The following ASIC2 variants were observed in gnomAD, a reference collection of about 807,000 sequenced individuals.
ASIC2 encodes the protein acid-sensing ion channel 2.
In ASIC2, 25 loss-of-function variants were observed where a neutral mutation model predicts 57.3. That is an observed-to-expected ratio of 0.44 (90% CI 0.32 to 0.61). The LOEUF (loss-of-function observed/expected upper bound fraction) is 0.61, where lower values mean the gene tolerates loss of function less well. ASIC2 is among the 20% of genes least tolerant of loss of function. The pLI, the probability that ASIC2 is intolerant of heterozygous loss-of-function variation, is 0.06. For synonymous variants in ASIC2, 319 were observed against 307.5 expected (o/e 1.04, Z -0.39); for missense variants, 641 against 738.1 (o/e 0.87, Z 1.52).
At chr17:33,104,727 C>T (rs2092228479) in intron 2 of ASIC2, among the ~76,000 whole-genome samples, 1 of 152,158 alleles carries the variant, frequency 6.6e-6, no homozygotes, top group South Asian at 2.1e-4. Context: ...AACCTCTTTC[C>T]CTGTGCTATT....
At chr17:33,192,946 C>T (rs192828043) in intron 1 of ASIC2, among the ~76,000 whole-genome samples, 1 of 152,192 alleles carries the variant, frequency 6.6e-6, no homozygotes, top group East Asian at 1.9e-4. Flanking sequence ...CATATTTTTA[C>T]TTTTCCTGAA....
chr17:33,646,781 A>T (rs981082500), intron 1 of ASIC2, among the ~76,000 whole-genome samples: 2 of 152,170 alleles, frequency 1.3e-5, no homozygotes, highest in African/African-American at 4.8e-5. Flanking sequence ...TGCAAGGGGC[A>T]AAAAGAGTCT....
chr17:33,377,064 G>T (rs1457831053), intron 1 of ASIC2, among the ~76,000 whole-genome samples: 2 of 152,050 alleles, frequency 1.3e-5, no homozygotes, highest in African/African-American at 4.8e-5. Flanking sequence ...TGGAGGGGGG[G>T]AGCGGAGATG....
intron 1 of ASIC2, among the ~76,000 whole-genome samples, chr17:33,384,821 C>T (rs1294186160): frequency 1.3e-5 from 2 of 152,192 alleles, no homozygotes; most frequent in African/African-American, 2.4e-5. Context: ...TTAACTGGTA[C>T]TCACACTCCT....
chr17:33,723,961 G>A (rs1301832550), intron 1 of ASIC2, among the ~76,000 whole-genome samples: 7 of 152,152 alleles, frequency 4.6e-5, no homozygotes, highest in African/African-American at 1.2e-4. Flanking sequence ...TCAGTGATGT[G>A]GTTTGGCTGT....
At chr17:33,904,867 C>T (rs1038362120) in intron 1 of ASIC2, among the ~76,000 whole-genome samples, 4 of 152,330 alleles carry the variant, frequency 2.6e-5, no homozygotes, top group Admixed American at 2.6e-4. Flanking sequence ...GAACCACACT[C>T]TTCTTGCGAG....
At chr17:33,987,663 A>C (rs1487077254) in intron 1 of ASIC2, among the ~76,000 whole-genome samples, 4 of 151,918 alleles carry the variant, frequency 2.6e-5, no homozygotes, top group Non-Finnish European at 5.9e-5. Flanking sequence ...CTAACCAACC[A>C]ACCAACCAAC....
intron 2 of ASIC2, among the ~76,000 whole-genome samples, chr17:33,104,464 GT>G (rs1265648699): frequency 1.3e-5 from 2 of 152,200 alleles, no homozygotes; most frequent in Non-Finnish European, 2.9e-5. Context: ...CCATCCAGTG[GT>G]TTTCAAACAG....
At chr17:33,491,552 G>A (rs373345874) in intron 1 of ASIC2, among the ~76,000 whole-genome samples, 29 of 152,354 alleles carry the variant, frequency 1.9e-4, no homozygotes, top group African/African-American at 6.5e-4. Context: ...ATGCCAGTGA[G>A]TTTCCTTAAT....
intron 1 of ASIC2, among the ~76,000 whole-genome samples, chr17:33,308,828 G>GA (rs148463357): frequency 0.027 from 4,127 of 151,344 alleles, 183 homozygotes; most frequent in African/African-American, 0.094. Flanking sequence ...CTTTTTTTGT[G>GA]AAAAAAAAGA....
At chr17:34,038,715 A>G in intron 1 of ASIC2, 2 of 1,604,800 alleles carry the variant, frequency 1.2e-6, no homozygotes, top group Non-Finnish European at 1.7e-6. Flanking sequence ...CTGAGTTTGA[A>G]GATTTCTTCT....
At chr17:33,201,743 G>A (rs944617008) in intron 1 of ASIC2, among the ~76,000 whole-genome samples, 1 of 152,148 alleles carries the variant, frequency 6.6e-6, no homozygotes, top group Non-Finnish European at 1.5e-5. Context: ...AAAAGCTGCT[G>A]TCTAGGCTGG....
At chr17:33,242,677 T>C (rs1351675950) in intron 1 of ASIC2, among the ~76,000 whole-genome samples, 5 of 152,206 alleles carry the variant, frequency 3.3e-5, no homozygotes, top group Non-Finnish European at 7.3e-5. Flanking sequence ...CCGGGAGTTT[T>C]CAATTTACAA....
intron 1 of ASIC2, among the ~76,000 whole-genome samples, chr17:33,281,080 T>C (rs1271055641): frequency 6.6e-6 from 1 of 152,204 alleles, no homozygotes; most frequent in African/African-American, 2.4e-5. Context: ...GTGTCATCTG[T>C]AGGCTTAAGA....
At chr17:33,491,179 C>G (rs910949784) in intron 1 of ASIC2, among the ~76,000 whole-genome samples, 1 of 152,166 alleles carries the variant, frequency 6.6e-6, no homozygotes, top group African/African-American at 2.4e-5. Context: ...AATTCCCACA[C>G]CCACAGGACA....
intron 1 of ASIC2, among the ~76,000 whole-genome samples, chr17:33,886,569 CAAA>C: frequency 6.6e-6 from 1 of 152,088 alleles, no homozygotes; most frequent in Non-Finnish European, 1.5e-5. Flanking sequence ...GTTGTACAGG[CAAA>C]GAAGCAAAGG....
At chr17:33,241,457 C>T (rs947575318) in intron 1 of ASIC2, among the ~76,000 whole-genome samples, 6 of 152,236 alleles carry the variant, frequency 3.9e-5, no homozygotes, top group African/African-American at 1.4e-4. Flanking sequence ...CCCTGTGCTG[C>T]CTATGATTGC....
At chr17:33,871,766 T>C (rs138328802) in intron 1 of ASIC2, among the ~76,000 whole-genome samples, 1 of 152,164 alleles carries the variant, frequency 6.6e-6, no homozygotes, top group Non-Finnish European at 1.5e-5. Context: ...ATGAATTATG[T>C]ATGGCTGGAG....
At chr17:33,343,642 G>T (rs1433524568) in intron 1 of ASIC2, among the ~76,000 whole-genome samples, 1 of 152,168 alleles carries the variant, frequency 6.6e-6, no homozygotes, top group African/African-American at 2.4e-5. Flanking sequence ...GTATCATAAA[G>T]CCTTTCGTAC....
Sources: gnomAD v4.1 joint callset for allele counts (sites outside exome capture counted in the v4.1 genomes callset) on GRCh38, gnomAD v4.1.1 for gene constraint, MANE v1.5 for transcripts, NCBI Gene and HGNC (gene_info 2026-07-23, HGNC 2026-07-21) for gene names.